B4GALNT2: variants seen among roughly 807,000 people sequenced by gnomAD.
B4GALNT2 encodes the protein beta-1,4-N-acetyl-galactosaminyltransferase 2 (SID blood group).
In B4GALNT2, 42 loss-of-function variants were observed where a neutral mutation model predicts 51.1. That is an observed-to-expected ratio of 0.82 (90% CI 0.64 to 1.06). The LOEUF (loss-of-function observed/expected upper bound fraction) is 1.06. Among genes scored for constraint, B4GALNT2 ranks in the 50% least tolerant of loss-of-function variants. B4GALNT2 has a pLI of 0.00. For synonymous variants in B4GALNT2, 253 were observed against 251.7 expected (o/e 1.01, Z -0.05); for missense variants, 602 against 633.6 (o/e 0.95, Z 0.54).
In B4GALNT2 at chr17:49,160,994, G is replaced by A. The variant is rs990991288; in HGVS notation, c.766+353G>A. On this transcript the variant is annotated intron_variant, in intron 7 of 10. Transcript: ENST00000393354. Reference sequence around the variant, plus strand: ...CTGTGTGATAAAGACATCTTGTCTGGCCGGGCGCAGTGACTCATGCCTGTA... The same window carrying A: ...CTGTGTGATAAAGACATCTTGTCTGACCGGGCGCAGTGACTCATGCCTGTA... 1.1e-4 allele frequency among the ~76,000 whole-genome samples: 16 copies of A among 152,234 alleles called. No individual in the cohort carries two copies. The South Asian group carries it at 1.9e-3, about 18-fold the overall frequency.
chr17:49,121,862 A>T, the B4GALNT2 span, among the ~76,000 whole-genome samples: 1 of 152,214 alleles, frequency 6.6e-6, no homozygotes, highest in African/African-American at 2.4e-5. Flanking sequence ...TTTAGTCCTC[A>T]GTGTAAGAAT....
intron 1 of B4GALNT2, among the ~76,000 whole-genome samples, chr17:49,134,949 C>T (rs984623945): frequency 1.1e-4 from 16 of 152,184 alleles, no homozygotes; most frequent in Non-Finnish European, 1.9e-4. Flanking sequence ...CACTGAAAGG[C>T]ATTTCTGCTA....
At chr17:49,147,082 T>C (rs1161847072) in intron 3 of B4GALNT2, among the ~76,000 whole-genome samples, 1 of 152,212 alleles carries the variant, frequency 6.6e-6, no homozygotes, top group Non-Finnish European at 1.5e-5. Context: ...ACATCTGTTA[T>C]CCTCCGGAGA....
chr17:49,144,022 G>T (rs2042669586), intron 3 of B4GALNT2, among the ~76,000 whole-genome samples: 1 of 152,126 alleles, frequency 6.6e-6, no homozygotes, highest in Non-Finnish European at 1.5e-5. Flanking sequence ...GGTGGTGAGT[G>T]CCTGTAGTCC....
intron 5 of B4GALNT2, 118 bp downstream of exon 5, chr17:49,156,721 A>G: frequency 8.5e-7 from 1 of 1,180,014 alleles, no homozygotes; most frequent in Non-Finnish European, 1.2e-6. Flanking sequence ...ACATGAGCCC[A>G]AGGAGGGAGG....
At chr17:49,131,461 C>T (rs1234625625), upstream of B4GALNT2, among the ~76,000 whole-genome samples, 38 of 34,382 alleles carry the variant, frequency 1.1e-3, no homozygotes, top group South Asian at 5.8e-3. Context: ...TCCCAGACTC[C>T]GAAAAAAAAA....
chr17:49,143,161 A>G (rs2042660747), intron 3 of B4GALNT2, among the ~76,000 whole-genome samples: 1 of 152,092 alleles, frequency 6.6e-6, no homozygotes, highest in Non-Finnish European at 1.5e-5. Context: ...AGGCAGGAGA[A>G]TCACTTGAAC....
intron 3 of B4GALNT2, chr17:49,148,566 T>A: frequency 2.4e-6 from 1 of 420,856 alleles, no homozygotes; most frequent in Admixed American, 2.8e-5. Context: ...ATGGAGGTCA[T>A]CATGGAGATA....
At chr17:49,124,171 G>C in the B4GALNT2 span, among the ~76,000 whole-genome samples, 1 of 152,162 alleles carries the variant, frequency 6.6e-6, no homozygotes, top group East Asian at 1.9e-4. Flanking sequence ...TCAGCAAAAC[G>C]TCAAAAAGAT....
rs146443714 is a variant in B4GALNT2 at position 49,132,804 on chromosome 17, C to A, written c.12C>A (p.Gly4=). ...CGGCGGGATTCGGGATGACTTCGGG[C>A]GGGTGAGTGTCCCCGGGGCAGAGCA... is the stretch of plus-strand genomic sequence containing the variant. The part of the protein sequence containing the change: MTS[G]GSRFLWLLKI... The change falls in exon 1 of 11, where the codon GGC becomes GGA. Residue 4 remains glycine (G), a splice_region_variant and synonymous_variant. Transcript: ENST00000393354. 13,609 of 1,375,652 alleles carry A rather than the reference C, an allele frequency of 9.9e-3. 103 individuals are homozygous for A. The highest frequency in any genetic ancestry group is 0.012 in the Non-Finnish European group (12,252 of 1,062,916). 85.2% of individuals were successfully genotyped at this position (1,375,652 alleles called of 1,614,324 possible).
intron 9 of B4GALNT2, among the ~76,000 whole-genome samples, chr17:49,168,015 C>G (rs1332499022): frequency 6.6e-6 from 1 of 152,164 alleles, no homozygotes; most frequent in Non-Finnish European, 1.5e-5. Context: ...GAAATGCAGT[C>G]TTTAGCTGAC....
At chr17:49,143,392 A>G (rs1049652125) in intron 3 of B4GALNT2, among the ~76,000 whole-genome samples, 1 of 152,242 alleles carries the variant, frequency 6.6e-6, no homozygotes, top group Non-Finnish European at 1.5e-5. Context: ...GGGCCTTACC[A>G]AATCCATAGG....
rs544948737 is a variant in B4GALNT2, at chr17:49,170,577, A to T, written c.*849A>T. The T allele has an allele frequency of 7.9e-5, 12 of 152,324 alleles. No homozygotes were observed. In the East Asian group the frequency reaches 2.3e-3, roughly 29 times the overall value. The allele number at this position is 152,324 out of a possible 1,614,324, so 9.4% of individuals were successfully genotyped here. ...TTGCTGGTCACTCAAAACTCATGTC[A>T]TTTACAGAGTGGTTCCATCACTCTG... On this transcript the variant is annotated 3_prime_UTR_variant, in exon 11 of 11. Transcript: ENST00000393354.
At chr17:49,159,881 G>A (rs1331494799) in intron 6 of B4GALNT2, among the ~76,000 whole-genome samples, 1 of 152,064 alleles carries the variant, frequency 6.6e-6, no homozygotes, top group Non-Finnish European at 1.5e-5. Flanking sequence ...GCCAGCCTGT[G>A]CCTCAGCATC....
At chr17:49,139,238 C>T (rs533035081) in intron 1 of B4GALNT2, among the ~76,000 whole-genome samples, 13 of 150,450 alleles carry the variant, frequency 8.6e-5, no homozygotes, top group East Asian at 3.9e-4. Context: ...TAGCAGTGGG[C>T]GTTTTTGTTT....
rs147827612 is a variant in B4GALNT2, at chr17:49,133,126, G to C, written c.14+320G>C. 8.4e-5 allele frequency: 129 copies of C among 1,530,800 alleles called. No homozygotes were observed. Among genetic ancestry groups the C allele is most frequent in the Admixed American group, 9.9e-5 (4 of 40,332 alleles). The allele number at this position is 1,530,800 out of a possible 1,614,324, so 94.8% of individuals were successfully genotyped here. On this transcript the variant is annotated intron_variant, in intron 1 of 10. Coordinates refer to ENST00000393354, the MANE Select transcript of B4GALNT2 (RefSeq NM_001159387.2). The stretch of plus-strand genomic sequence containing the variant: ...ACGCCCGAGTGTGGGAATCGGCTCG[G>C]GAGTGCGGGCTTCGGGGCTCTCTGC...
At chr17:49,130,977 G>C (rs959386217), upstream of B4GALNT2, among the ~76,000 whole-genome samples, 2 of 152,160 alleles carry the variant, frequency 1.3e-5, no homozygotes, top group Non-Finnish European at 2.9e-5. Flanking sequence ...CAGAACAGCT[G>C]GTGATACAGG....
chr17:49,172,820 T>C lies in B4GALNT2; in HGVS notation c.*3092T>C, dbSNP rs919801063. 3 of 151,934 alleles carry C rather than the reference T, an allele frequency of 2.0e-5. No homozygotes were observed. The highest frequency in any genetic ancestry group is 4.4e-5 in the Non-Finnish European group (3 of 67,998). 9.4% of individuals were successfully genotyped at this position (151,934 alleles called of 1,614,324 possible). On this transcript the variant is annotated 3_prime_UTR_variant, in exon 11 of 11. Transcript: ENST00000393354. Reference sequence around the variant, plus strand: ...TGATTGGCATGTAGCCCAGACAAAGTGAGAAAAGGTGTCCACACATACATG... The same window carrying C: ...TGATTGGCATGTAGCCCAGACAAAGCGAGAAAAGGTGTCCACACATACATG...
chr17:49,159,251 G>C, intron 6 of B4GALNT2, 34 bp downstream of exon 6: 1 of 1,604,394 alleles, frequency 6.2e-7, no homozygotes, highest in Non-Finnish European at 8.5e-7. Flanking sequence ...AAAATGCTTA[G>C]GGATCCAGAA....
Sources: allele counts gnomAD v4.1 joint callset (sites outside exome capture counted in the v4.1 genomes callset), GRCh38; gene constraint gnomAD v4.1.1; transcripts MANE v1.5; gene names NCBI Gene and HGNC (gene_info 2026-07-23, HGNC 2026-07-21).